NUP160: variants seen among roughly 807,000 people sequenced by gnomAD.
NUP160 encodes the protein nuclear pore complex protein Nup160.
A neutral mutation model predicts 196.9 loss-of-function variants in NUP160; 94 were observed. The observed-to-expected ratio is 0.48, with a 90% CI of 0.40 to 0.57. The LOEUF (loss-of-function observed/expected upper bound fraction) is 0.57. Among genes scored for constraint, NUP160 ranks in the 20% least tolerant of loss-of-function variants. The pLI, the probability that NUP160 is intolerant of heterozygous loss-of-function variation, is 0.00. For synonymous variants in NUP160, 605 were observed against 619.7 expected, an observed-to-expected ratio of 0.98 and a Z score of 0.35; for missense variants, 1,638 against 1,748.3, an observed-to-expected ratio of 0.94 and a Z score of 1.13.
chr11:47,830,647 G>A (rs139108002), intron 7 of NUP160, among the ~76,000 whole-genome samples: 177 of 152,318 alleles, frequency 1.2e-3, no homozygotes, highest in Middle Eastern at 0.01. Context: ...ATAAATGGGA[G>A]CTAAATGATG....
intron 8 of NUP160, 35 bp downstream of exon 8, chr11:47,822,052 T>C (rs1480641620): frequency 7.3e-7 from 1 of 1,366,080 alleles, no homozygotes; most frequent in African/African-American, 1.4e-5. Context: ...CTTTTTCTTG[T>C]ACTTATGTGA....
chr11:47,813,379 C>G (rs2097682270), exon 14 of NUP160: 1 of 1,612,364 alleles, frequency 6.2e-7, no homozygotes, highest in East Asian at 2.2e-5. Context: ...TACAAATGAT[C>G]CACTAAGGAT....
At chr11:47,801,966 T>C (rs369572232) in intron 22 of NUP160, 36 bp from the exon 23 acceptor site, 1 of 1,606,794 alleles carries the variant, frequency 6.2e-7, no homozygotes, top group Admixed American at 1.7e-5. Context: ...TTGTAACAGA[T>C]CATTCAAATT....
intron 2 of NUP160, chr11:47,841,359 C>A: frequency 2.4e-6 from 1 of 408,520 alleles, no homozygotes. Flanking sequence ...TTCGTGGTAC[C>A]TGTCCATTTT....
At chr11:47,847,386 C>T (rs1010293311) in intron 2 of NUP160, among the ~76,000 whole-genome samples, 2 of 152,220 alleles carry the variant, frequency 1.3e-5, no homozygotes, top group South Asian at 4.1e-4. Context: ...CAAAAAATTT[C>T]CCCATGAAAA....
At chr11:47,780,819 C>T (rs1158142516) in intron 34 of NUP160, among the ~76,000 whole-genome samples, 1 of 152,014 alleles carries the variant, frequency 6.6e-6, no homozygotes, top group Admixed American at 6.6e-5. Flanking sequence ...GCCACTGTGC[C>T]CGGCAAAATA....
chr11:47,813,811 C>T (rs1376283881), intron 13 of NUP160, among the ~76,000 whole-genome samples: 2 of 151,438 alleles, frequency 1.3e-5, no homozygotes, highest in African/African-American at 4.9e-5. Context: ...GTGGCTCACG[C>T]CTGTAATCCC....
chr11:47,803,142 A>AAATAATAATAATAATAATAAT (rs55654627), intron 22 of NUP160, among the ~76,000 whole-genome samples: 6 of 139,058 alleles, frequency 4.3e-5, no homozygotes, highest in African/African-American at 5.3e-5. Context: ...TGATTTTACA[A>AAATAATAATAATAATAATAAT]AATAATAATA....
At chr11:47,795,704 C>T (rs1056765213) in intron 27 of NUP160, among the ~76,000 whole-genome samples, 15 of 152,102 alleles carry the variant, frequency 9.9e-5, no homozygotes, top group Admixed American at 3.9e-4. Flanking sequence ...AAGATACATT[C>T]TACAAAAATG....
At chr11:47,790,023 G>A (rs2135348099) in intron 29 of NUP160, among the ~76,000 whole-genome samples, 1 of 148,800 alleles carries the variant, frequency 6.7e-6, no homozygotes, top group South Asian at 2.1e-4. Context: ...TCGGCTCACT[G>A]CAACCTCTCC....
intron 9 of NUP160, among the ~76,000 whole-genome samples, chr11:47,820,731 T>C (rs1490452764): frequency 1.3e-5 from 2 of 152,090 alleles, no homozygotes; most frequent in Non-Finnish European, 2.9e-5. Context: ...TTTGTATTTT[T>C]AGTAGAGATG....
intron 9 of NUP160, among the ~76,000 whole-genome samples, chr11:47,820,853 A>C (rs1851842566): frequency 6.6e-6 from 1 of 151,986 alleles, no homozygotes; most frequent in African/African-American, 2.4e-5. Context: ...CCTGGCCACT[A>C]GTTTATTTTT....
chr11:47,798,344 A>C (rs368309951), intron 24 of NUP160, 24 bp downstream of exon 24: 17 of 1,575,788 alleles, frequency 1.1e-5, no homozygotes, highest in East Asian at 2.2e-5. Context: ...TAAAGAAAAC[A>C]ACCAAATTGC....
In NUP160 at chr11:47,791,852, T is replaced by G. The variant is rs186762471; in HGVS notation, c.3511+78A>C. 36 of 968,608 alleles carry G rather than the reference T, an allele frequency of 3.7e-5. No homozygotes were observed. In the East Asian group the frequency reaches 4.6e-4, roughly 12 times the overall value. 60.0% of individuals were successfully genotyped at this position (968,608 alleles called of 1,614,324 possible). On this transcript the variant is annotated intron_variant, in intron 29 of 35. Coordinates refer to ENST00000378460, the Ensembl canonical transcript of NUP160. ...ATTATATGTAGCTTATTTAACTACA[T>G]ATTTCTATCATAATACAACTAACAA...
rs546158172 is a variant in NUP160, at chr11:47,784,830, C to T, written c.3990+92G>A. The T allele has an allele frequency of 5.0e-6, 5 of 1,007,508 alleles. No individual in the cohort carries two copies. The East Asian group carries it at 1.4e-4, about 29-fold the overall frequency. 62.4% of individuals were successfully genotyped at this position (1,007,508 alleles called of 1,614,324 possible). A position where few individuals can be genotyped will look rare whatever the true frequency, so the allele number is the denominator to read the frequency against. ...GTGCGGGCATGACAGGTATGAGCCA[C>T]TGCAATCAGTCCATATTTTTAATCA... On this transcript the variant is annotated intron_variant, in intron 33 of 35. Transcript: ENST00000378460.
chr11:47,822,299 C>T, intron 7 of NUP160, 135 bp from the exon 8 acceptor site: 1 of 508,010 alleles, frequency 2.0e-6, no homozygotes, highest in South Asian at 2.3e-5. Context: ...GCTCTGTTGC[C>T]CAGGCTGGAG....
chr11:47,835,492 A>T (rs1599345178), intron 7 of NUP160, among the ~76,000 whole-genome samples, 159 bp downstream of exon 7: 1 of 152,262 alleles, frequency 6.6e-6, no homozygotes, highest in African/African-American at 2.4e-5. Context: ...CCCCTCCTTC[A>T]AGATCTTCTA....
intron 1 of NUP160, 32 bp from the exon 2 acceptor site, chr11:47,847,991 C>A: frequency 6.5e-7 from 1 of 1,534,020 alleles, no homozygotes; most frequent in Non-Finnish European, 9.0e-7. Flanking sequence ...CCTGCACACG[C>A]GTCTTCTGAG....
chr11:47,824,052 TAC>T (rs59415997), intron 7 of NUP160, among the ~76,000 whole-genome samples: 13,943 of 93,628 alleles, frequency 0.15, 1,084 homozygotes, highest in Middle Eastern at 0.21. Flanking sequence ...TATATATATA[TAC>T]ACACACACAT....
Sources: gnomAD v4.1 joint callset for allele counts (sites outside exome capture counted in the v4.1 genomes callset) on GRCh38, gnomAD v4.1.1 for gene constraint, MANE v1.5 for transcripts, NCBI Gene and HGNC (gene_info 2026-07-23, HGNC 2026-07-21) for gene names.